The following PCDH9 variants were observed in gnomAD, a reference collection of about 807,000 sequenced individuals.
The protein encoded by PCDH9 is protocadherin 9.
A neutral mutation model predicts 70.6 loss-of-function variants in PCDH9; 24 were observed. That is an observed-to-expected ratio of 0.34 (90% CI 0.25 to 0.48). PCDH9 has a LOEUF of 0.48. Among genes scored for constraint, PCDH9 ranks in the 20% least tolerant of loss-of-function variants. The pLI is 0.99. For missense variants in PCDH9, 1,281 were observed against 1,503.6 expected (o/e 0.85, Z 2.45); for synonymous variants, 562 against 558.5 (o/e 1.01, Z -0.09).
chr13:66,864,295 T>C (rs542194534), intron 3 of PCDH9, among the ~76,000 whole-genome samples: 66 of 152,270 alleles, frequency 4.3e-4, no homozygotes, highest in Non-Finnish European at 7.6e-4. Flanking sequence ...GCAATATTTC[T>C]GAGGTTCTTC....
Position 66,370,020 on chromosome 13 carries a change from T to C in PCDH9, c.3341-64992A>G, listed in dbSNP as rs370184755. ...TGTACGTTTTGCTAAGCAACTATCA[T>C]TGCTTTTTAAGTCAAATATCCACTG... On this transcript the variant is annotated intron_variant, in intron 4 of 4. Transcript: ENST00000377865. Among the ~76,000 whole-genome samples, 30 of 152,208 alleles carry C rather than the reference T, an allele frequency of 2.0e-4. No homozygotes were observed. The South Asian group carries it at 5.8e-3, about 29-fold the overall frequency.
chr13:66,606,172 C>T (rs2077220573), intron 4 of PCDH9, among the ~76,000 whole-genome samples: 1 of 152,044 alleles, frequency 6.6e-6, no homozygotes, highest in Admixed American at 6.6e-5. Flanking sequence ...GCAGAGGGAA[C>T]AAATGGCTGG....
intron 3 of PCDH9, among the ~76,000 whole-genome samples, chr13:66,817,856 G>A (rs2080636375): frequency 6.6e-6 from 1 of 152,142 alleles, no homozygotes. Context: ...TTGAACTGCT[G>A]AGCTCAGATG....
intron 2 of PCDH9, among the ~76,000 whole-genome samples, chr13:66,909,660 T>A (rs1386448364): frequency 6.6e-6 from 1 of 152,028 alleles, no homozygotes; most frequent in Non-Finnish European, 1.5e-5. Context: ...TCCCAGCTAC[T>A]AGGGAGGCTG....
chr13:66,434,137 G>A (rs998085032), intron 4 of PCDH9, among the ~76,000 whole-genome samples: 25 of 151,740 alleles, frequency 1.6e-4, no homozygotes, highest in East Asian at 5.8e-4. Flanking sequence ...TGAAAAAATC[G>A]TTGGAAATTT....
intron 4 of PCDH9, among the ~76,000 whole-genome samples, chr13:66,549,591 C>G (rs1961384881): frequency 6.6e-6 from 1 of 152,002 alleles, no homozygotes; most frequent in Non-Finnish European, 1.5e-5. Context: ...AGTTAAACCT[C>G]TTTTCTTTAA....
At chr13:66,441,632 C>T (rs571439039) in intron 4 of PCDH9, among the ~76,000 whole-genome samples, 2 of 151,874 alleles carry the variant, frequency 1.3e-5, no homozygotes, top group African/African-American at 2.4e-5. Context: ...CCAAAGCTAA[C>T]GAGTTCTCTT....
chr13:66,647,749 T>C (rs2077791724), intron 3 of PCDH9, among the ~76,000 whole-genome samples: 1 of 152,060 alleles, frequency 6.6e-6, no homozygotes, highest in African/African-American at 2.4e-5. Context: ...TCAAGTGGGT[T>C]CTTGGGTTCT....
chr13:66,626,021 T>C (rs2077493942), intron 4 of PCDH9, among the ~76,000 whole-genome samples: 1 of 152,130 alleles, frequency 6.6e-6, no homozygotes, highest in African/African-American at 2.4e-5. Flanking sequence ...TGGAGAACAG[T>C]AGGAAAGTAG....
intron 2 of PCDH9, among the ~76,000 whole-genome samples, chr13:67,009,739 C>A (rs2084418644): frequency 6.6e-6 from 1 of 151,936 alleles, no homozygotes; most frequent in Non-Finnish European, 1.5e-5. Flanking sequence ...TGGTTAACTG[C>A]CTTGCATTGC....
chr13:66,896,130 G>T (rs1372295230), intron 3 of PCDH9, among the ~76,000 whole-genome samples: 3 of 152,128 alleles, frequency 2.0e-5, no homozygotes, highest in Non-Finnish European at 4.4e-5. Context: ...GGTGAAGAAA[G>T]AATTGGCAGA....
chr13:66,537,479 C>T (rs976971471), intron 4 of PCDH9, among the ~76,000 whole-genome samples: 1 of 152,070 alleles, frequency 6.6e-6, no homozygotes, highest in African/African-American at 2.4e-5. Context: ...AACAGAAAAC[C>T]TCCACAAAAT....
At chr13:66,515,534 G>T (rs1959691685) in intron 4 of PCDH9, among the ~76,000 whole-genome samples, 2 of 151,778 alleles carry the variant, frequency 1.3e-5, no homozygotes, top group Non-Finnish European at 2.9e-5. Context: ...TACATATTTA[G>T]AAATTATACT....
intron 2 of PCDH9, among the ~76,000 whole-genome samples, chr13:67,062,129 A>C (rs567481027): frequency 6.6e-6 from 1 of 152,308 alleles, no homozygotes; most frequent in Non-Finnish European, 1.5e-5. Flanking sequence ...GATGTGTCTT[A>C]CACTGTTTCA....
intron 4 of PCDH9, among the ~76,000 whole-genome samples, chr13:66,488,884 T>C (rs1958989410): frequency 6.6e-6 from 1 of 152,136 alleles, no homozygotes. Context: ...GATTAAACAC[T>C]TAAATAGAAC....
chr13:66,799,484 T>C (rs1025603498), intron 3 of PCDH9, among the ~76,000 whole-genome samples: 8 of 152,132 alleles, frequency 5.3e-5, no homozygotes, highest in African/African-American at 1.9e-4. Flanking sequence ...TCTACTTTAC[T>C]AGCAAGGTGT....
chr13:66,443,247 G>A (rs1274008169), intron 4 of PCDH9, among the ~76,000 whole-genome samples: 2 of 151,998 alleles, frequency 1.3e-5, no homozygotes, highest in Non-Finnish European at 2.9e-5. Flanking sequence ...ATTCATCTCT[G>A]GGACAACAAG....
intron 4 of PCDH9, among the ~76,000 whole-genome samples, chr13:66,495,627 ACTT>A (rs1322077905): frequency 6.6e-6 from 1 of 152,004 alleles, no homozygotes; most frequent in Non-Finnish European, 1.5e-5. Flanking sequence ...CTAAAACCTT[ACTT>A]CTTCAACTAG....
Position 66,567,689 on chromosome 13 carries a change from G to A in PCDH9, c.3340+63521C>T, listed in dbSNP as rs575056505. On this transcript the variant is annotated intron_variant, in intron 4 of 4. Coordinates refer to ENST00000377865, the MANE Select transcript of PCDH9 (RefSeq NM_203487.3). The stretch of plus-strand genomic sequence containing the variant: ...TACCACCATTATCAACAACTCAACA[G>A]AAAGTTTTCTTTCAAATTGTCAGAA... Among the ~76,000 whole-genome samples, 10 of 152,218 alleles carry A rather than the reference G, an allele frequency of 6.6e-5. No individual in the cohort carries two copies. In the South Asian group the frequency reaches 2.1e-3, roughly 32 times the overall value.
Sources: gnomAD v4.1 joint callset for allele counts (sites outside exome capture counted in the v4.1 genomes callset) on GRCh38, gnomAD v4.1.1 for gene constraint, MANE v1.5 for transcripts, NCBI Gene and HGNC (gene_info 2026-07-23, HGNC 2026-07-21) for gene names.